HABP4: variants seen among roughly 807,000 people sequenced by gnomAD.
HABP4 encodes the protein hyaluronan binding protein 4.
Under a neutral mutation model 44.1 loss-of-function variants are expected in HABP4, and 32 were observed. That is an observed-to-expected ratio of 0.73 (90% CI 0.55 to 0.97). The LOEUF (loss-of-function observed/expected upper bound fraction) is 0.97. Among genes scored for constraint, HABP4 ranks in the 50% least tolerant of loss-of-function variants. HABP4 has a pLI of 0.00. For missense variants in HABP4, 503 were observed against 561.9 expected, an observed-to-expected ratio of 0.90 and a Z score of 1.06; for synonymous variants, 216 against 218.0, an observed-to-expected ratio of 0.99 and a Z score of 0.08.
At chr9:96,477,789 T>C (rs1365407795) in intron 5 of HABP4, among the ~76,000 whole-genome samples, 1 of 152,238 alleles carries the variant, frequency 6.6e-6, no homozygotes, top group Non-Finnish European at 1.5e-5. Flanking sequence ...TGTGAAACTA[T>C]CACCATGAGC....
intron 2 of HABP4, among the ~76,000 whole-genome samples, 179 bp downstream of exon 2, chr9:96,458,720 T>G (rs572826889): frequency 1.1e-4 from 17 of 152,034 alleles, no homozygotes; most frequent in Non-Finnish European, 1.9e-4. Context: ...GCTCCCGGGT[T>G]CAAGCAATTC....
rs372973105 is a variant in HABP4, at chr9:96,465,375, G to T, written c.551G>T (p.Gly184Val). 2.6e-5 allele frequency: 42 copies of T among 1,610,712 alleles called. No homozygotes were observed. Among genetic ancestry groups the T allele is most frequent in the Non-Finnish European group, 3.2e-5 (38 of 1,177,010 alleles). The change falls in exon 3 of 8, where the codon GGA becomes GTA. Residue 184 changes from glycine (G) to valine (V), a missense_variant. This residue lies in a region of HABP4 where 290 missense variants were observed against 300.5 expected (regional missense o/e 0.97). Coordinates refer to ENST00000375249, the MANE Select transcript of HABP4 (RefSeq NM_014282.4). Reference protein sequence around the residue: ...DRFDRDRPLRGRGGPRGGMRG... With the variant: ...DRFDRDRPLRVRGGPRGGMRG... Reference sequence around the variant, plus strand: ...TTTGATCGAGACAGACCGTTGAGAGGACGTGGAGGCCCGAGAGGGGGTATG... The same window carrying T: ...TTTGATCGAGACAGACCGTTGAGAGTACGTGGAGGCCCGAGAGGGGGTATG...
rs1481271544 is a variant in HABP4 at position 96,450,399 on chromosome 9, C to T, written c.120C>T (p.Asp40=). 9 of 1,408,208 alleles carry T rather than the reference C, an allele frequency of 6.4e-6. No individual in the cohort carries two copies. In the Admixed American group the frequency reaches 2.3e-4, roughly 35 times the overall value. 87.2% of individuals were successfully genotyped at this position (1,408,208 alleles called of 1,614,324 possible). ...TGGACGACGAGTCGGACCCGTTCGA[C>T]ATCCTGCGCGAGGCCGAGCGCCGGC... ...QLLDDESDPF[D]ILREAERRRQ... The change falls in exon 1 of 8, where the codon GAC becomes GAT. Residue 40 remains aspartate (D), a synonymous_variant. Coordinates refer to ENST00000375249, the MANE Select transcript of HABP4 (RefSeq NM_014282.4). The surrounding 1 kb of genome is among the most constrained non-coding windows in gnomAD (Gnocchi z 4.8).
intron 2 of HABP4, among the ~76,000 whole-genome samples, chr9:96,460,301 C>T (rs993063134): frequency 7.9e-5 from 12 of 152,186 alleles, no homozygotes; most frequent in South Asian, 6.2e-4. Context: ...ATCTGCCCTT[C>T]GAGACCCCCC....
intron 1 of HABP4, among the ~76,000 whole-genome samples, chr9:96,456,333 GT>G (rs1392991890): frequency 6.6e-6 from 1 of 152,114 alleles, no homozygotes; most frequent in Non-Finnish European, 1.5e-5. Context: ...AATGAGACCG[GT>G]TAAGATTTAC....
At position 96,488,288 on chromosome 9, in the gene HABP4, T is replaced by C. The variant is rs1175502480; in HGVS notation, c.1185+14T>C. ...GCAGAAGTGGTGGTAGGTGTCTGTA[T>C]TGACGGTTTGGCGAAAGAAGTTAAT... is the stretch of plus-strand genomic sequence containing the variant. On this transcript the variant is annotated intron_variant, in intron 7 of 7. Coordinates refer to ENST00000375249, the MANE Select transcript of HABP4 (RefSeq NM_014282.4). The surrounding 1 kb of genome is among the most constrained non-coding windows in gnomAD (Gnocchi z 4.6). 8 of 1,588,400 alleles carry C rather than the reference T, an allele frequency of 5.0e-6. No homozygotes were observed. Among genetic ancestry groups the C allele is most frequent in the Non-Finnish European group, 6.9e-6 (8 of 1,162,822 alleles).
At chr9:96,450,156 G>C, upstream of HABP4, 1 of 1,016,788 alleles carries the variant, frequency 9.8e-7, no homozygotes, top group Non-Finnish European at 1.2e-6. The surrounding 1 kb of genome is among the most constrained non-coding windows in gnomAD (Gnocchi z 4.8). Context: ...CGCCGGTAGG[G>C]GCCGGACAGG....
chr9:96,477,931 A>G (rs77468773), intron 5 of HABP4, among the ~76,000 whole-genome samples: 2,081 of 152,218 alleles, frequency 0.014, 45 homozygotes, highest in African/African-American at 0.047. Flanking sequence ...CAGTTGCTAT[A>G]ATTTTATATG....
intron 5 of HABP4, among the ~76,000 whole-genome samples, chr9:96,480,307 T>TATAC (rs1188297440): frequency 1.3e-5 from 2 of 152,238 alleles, no homozygotes; most frequent in Non-Finnish European, 2.9e-5. Flanking sequence ...CATAGCAGTA[T>TATAC]ATACAGATAG....
chr9:96,454,292 G>A (rs1359584481), intron 1 of HABP4, among the ~76,000 whole-genome samples: 1 of 152,098 alleles, frequency 6.6e-6, no homozygotes, highest in Non-Finnish European at 1.5e-5. Flanking sequence ...CTCTTTTTAC[G>A]CTGGGGTAAA....
At position 96,458,479 on chromosome 9, in the gene HABP4, A is replaced by G. The variant is rs1395332279; in HGVS notation, c.450A>G (p.Glu150=). Residue 150 remains glutamate (E), a synonymous_variant, in exon 2 of 8, where the codon GAA becomes GAG. Transcript: ENST00000375249. ...GAGCTGAGCGGAGATCCTACAGGGA[A>G]TACCGACCCTATGAGACAGAGAGGC... The part of the protein sequence containing the change: ...LERAERRSYR[E]YRPYETERQA... 3 of 1,613,368 alleles carry G rather than the reference A, an allele frequency of 1.9e-6. No homozygotes were observed. Among genetic ancestry groups the G allele is most frequent in the Non-Finnish European group, 2.5e-6 (3 of 1,179,274 alleles).
At chr9:96,455,483 G>A (rs1832358469) in intron 1 of HABP4, among the ~76,000 whole-genome samples, 2 of 149,132 alleles carry the variant, frequency 1.3e-5, no homozygotes, top group Admixed American at 1.3e-4. Flanking sequence ...AAAAAAAGTG[G>A]CCAGGCACAG....
At position 96,488,316 on chromosome 9, in the gene HABP4, G is replaced by A. The variant is rs1587690895; in HGVS notation, c.1185+42G>A. 6.4e-6 allele frequency: 9 copies of A among 1,407,324 alleles called. No individual in the cohort carries two copies. The highest frequency in any genetic ancestry group is 8.9e-6 in the Non-Finnish European group (9 of 1,014,000). The allele number at this position is 1,407,324 out of a possible 1,614,324, so 87.2% of individuals were successfully genotyped here. A position where few individuals can be genotyped will look rare whatever the true frequency, so the allele number is the denominator to read the frequency against. On this transcript the variant is annotated intron_variant, in intron 7 of 7. Coordinates refer to ENST00000375249, the MANE Select transcript of HABP4 (RefSeq NM_014282.4). The surrounding 1 kb of genome is among the most constrained non-coding windows in gnomAD (Gnocchi z 4.6). The stretch of plus-strand genomic sequence containing the variant: ...ACGGTTTGGCGAAAGAAGTTAATAA[G>A]GACAGTGCCCTGGGCCCAGGATGGT...
Position 96,465,366 on chromosome 9 carries a change from C to G in HABP4, c.542C>G (p.Pro181Arg). 2 of 1,610,208 alleles carry G rather than the reference C, an allele frequency of 1.2e-6. No homozygotes were observed. Among genetic ancestry groups the G allele is most frequent in the South Asian group, 1.1e-5 (1 of 90,996 alleles). The change falls in exon 3 of 8, where the codon CCG becomes CGG. Residue 181 changes from proline to arginine, a missense_variant. Pro to Arg is a moderately radical substitution (Grantham distance 103). This residue lies in a region of HABP4 where 290 missense variants were observed against 300.5 expected (regional missense o/e 0.97). Coordinates refer to ENST00000375249, the MANE Select transcript of HABP4 (RefSeq NM_014282.4). The stretch of plus-strand genomic sequence containing the variant: ...GGTGATAGGTTTGATCGAGACAGAC[C>G]GTTGAGAGGACGTGGAGGCCCGAGA... ...KPGDRFDRDR[P>R]LRGRGGPRGG...
intron 1 of HABP4, among the ~76,000 whole-genome samples, chr9:96,457,351 A>C (rs1275706842): frequency 2.0e-5 from 3 of 152,084 alleles, no homozygotes; most frequent in Non-Finnish European, 4.4e-5. Context: ...CAAAAAAAAA[A>C]CACAAGAACA....
At chr9:96,456,780 A>ATAT (rs1165644914) in intron 1 of HABP4, among the ~76,000 whole-genome samples, 9 of 44,762 alleles carry the variant, frequency 2.0e-4, no homozygotes, top group Non-Finnish European at 2.3e-4. Flanking sequence ...AAAAAAAAAA[A>ATAT]ATATATATAT....
chr9:96,484,440 A>G (rs756972728), intron 5 of HABP4, 22 bp from the exon 6 acceptor site: 3 of 1,115,082 alleles, frequency 2.7e-6, no homozygotes, highest in Non-Finnish European at 4.0e-6. Context: ...AGTATTCTTT[A>G]TGATTATATA....
intron 1 of HABP4, among the ~76,000 whole-genome samples, chr9:96,453,113 A>G (rs1832316180): frequency 1.7e-5 from 2 of 117,420 alleles, no homozygotes; most frequent in Non-Finnish European, 3.5e-5. Context: ...TTTTTTTGAG[A>G]CAGAGTGCAG....
At chr9:96,466,245 C>G (rs1832599738) in intron 4 of HABP4, among the ~76,000 whole-genome samples, 1 of 152,146 alleles carries the variant, frequency 6.6e-6, no homozygotes, top group Non-Finnish European at 1.5e-5. Context: ...TGGCAGGCAC[C>G]TGTAGTCCCA....
Sources: allele counts gnomAD v4.1 joint callset (sites outside exome capture counted in the v4.1 genomes callset), GRCh38; gene constraint gnomAD v4.1.1; regional missense constraint gnomAD v4.1.1; non-coding constraint Gnocchi (gnomAD v3.1); transcripts MANE v1.5; gene names NCBI Gene and HGNC (gene_info 2026-07-23, HGNC 2026-07-21).